MAP3K4: variants seen among roughly 807,000 people sequenced by gnomAD.
MAP3K4 encodes the protein mitogen-activated protein kinase kinase kinase 4.
MAP3K4 carries 67 observed loss-of-function variants against 185.6 expected under a neutral mutation model. That is an observed-to-expected ratio of 0.36 (90% CI 0.30 to 0.44). The LOEUF is 0.44. Ranked by LOEUF, MAP3K4 falls within the 20% of genes least tolerant of loss-of-function variation. MAP3K4 has a pLI of 1.00. For synonymous variants in MAP3K4, 702 were observed against 710.4 expected (o/e 0.99, Z 0.19); for missense variants, 1,551 against 1,995.1 (o/e 0.78, Z 4.24).
intron 3 of MAP3K4, among the ~76,000 whole-genome samples, chr6:161,069,671 A>G (rs936065554): frequency 3.3e-5 from 5 of 152,126 alleles, no homozygotes; most frequent in African/African-American, 1.2e-4. Context: ...AGGCGTGGGG[A>G]CGGTCCTTTT....
At chr6:161,039,697 A>G (rs1783355220) in intron 2 of MAP3K4, among the ~76,000 whole-genome samples, 1 of 152,184 alleles carries the variant, frequency 6.6e-6, no homozygotes, top group Non-Finnish European at 1.5e-5. Flanking sequence ...ACTAAGAAGA[A>G]TGCCTGTAAA....
In MAP3K4 at chr6:161,103,328, G is replaced by A. The variant is rs16892155; in HGVS notation, c.3856+549G>A. Among the ~76,000 whole-genome samples the A allele has an allele frequency of 7.3e-3, 1,110 of 152,324 alleles. 11 individuals carry two copies. Among genetic ancestry groups the A allele is most frequent in the African/African-American group, 0.025 (1,058 of 41,568 alleles). ...GTAGTAAATGAGAGGGTGAGGACCAGAAGGCACTTGTCTCAAGTCTAGCGC... is the reference window on the plus strand; with the variant it reads ...GTAGTAAATGAGAGGGTGAGGACCAAAAGGCACTTGTCTCAAGTCTAGCGC... On this transcript the variant is annotated intron_variant, in intron 19 of 26. Transcript: ENST00000392142. The surrounding 1 kb of genome is among the most constrained non-coding windows in gnomAD (Gnocchi z 4.6).
rs1783046374 is a variant in MAP3K4, at chr6:161,034,035, T to G, written c.153-224T>G. Reference sequence around the variant, plus strand: ...CATAACAGCTCTACCCATGTGGTACTCCTTGTTCATGGTAGGAGAAGCGGC... The same window carrying G: ...CATAACAGCTCTACCCATGTGGTACGCCTTGTTCATGGTAGGAGAAGCGGC... On this transcript the variant is annotated intron_variant, in intron 1 of 26. Transcript: ENST00000392142. This position sits in a 1 kb window ranked among gnomAD's most constrained non-coding sequence, Gnocchi z 4.4. Among the ~76,000 whole-genome samples, 1 of 152,208 alleles carries G rather than the reference T, an allele frequency of 6.6e-6. No homozygotes were observed. Among genetic ancestry groups the G allele is most frequent in the African/African-American group, 2.4e-5 (1 of 41,460 alleles).
intron 1 of MAP3K4, among the ~76,000 whole-genome samples, chr6:161,031,896 C>A (rs983045732): frequency 6.6e-6 from 1 of 152,182 alleles, no homozygotes; most frequent in Non-Finnish European, 1.5e-5. Context: ...CTCCTCACCA[C>A]AAAGGATGTG....
chr6:161,062,335 C>G (rs1583182448), intron 3 of MAP3K4, among the ~76,000 whole-genome samples: 1 of 152,048 alleles, frequency 6.6e-6, no homozygotes, highest in Non-Finnish European at 1.5e-5. Flanking sequence ...ATCATACAGC[C>G]GTGTATGACA....
intron 1 of MAP3K4, among the ~76,000 whole-genome samples, chr6:161,025,728 C>T (rs994861706): frequency 2.0e-5 from 3 of 152,096 alleles, no homozygotes; most frequent in Non-Finnish European, 4.4e-5. Flanking sequence ...TTCTTATTTG[C>T]GAGAAGAGTG....
At chr6:161,039,446 A>G (rs537446107) in intron 2 of MAP3K4, among the ~76,000 whole-genome samples, 1 of 152,262 alleles carries the variant, frequency 6.6e-6, no homozygotes, top group East Asian at 1.9e-4. Flanking sequence ...GATTCTTGCA[A>G]TGTTATTACC....
intron 15 of MAP3K4, among the ~76,000 whole-genome samples, chr6:161,094,059 T>C (rs1267631325): frequency 6.6e-6 from 1 of 152,254 alleles, no homozygotes; most frequent in Non-Finnish European, 1.5e-5. Flanking sequence ...ACGTCAGCCA[T>C]ACGCTATTCC....
At chr6:161,013,464 T>C (rs1237120687) in intron 1 of MAP3K4, among the ~76,000 whole-genome samples, 1 of 152,246 alleles carries the variant, frequency 6.6e-6, no homozygotes, top group Non-Finnish European at 1.5e-5. Flanking sequence ...AAGTTTTCTT[T>C]CATTTCTTTA....
chr6:161,112,545 A>G lies in MAP3K4; in HGVS notation c.4520-123A>G. The G allele has an allele frequency of 1.7e-6, 1 of 593,256 alleles. No individual in the cohort carries two copies. Among genetic ancestry groups the G allele is most frequent in the Non-Finnish European group, 2.6e-6 (1 of 379,480 alleles). The allele number at this position is 593,256 out of a possible 1,614,324, so 36.7% of individuals were successfully genotyped here. ...GACTTGAACTGTCTGTAAATTTTTG[A>G]TATTTCCCATTACCTAATGCAGGAA... On this transcript the variant is annotated intron_variant, in intron 24 of 26. Transcript: ENST00000392142. This position sits in a 1 kb window ranked among gnomAD's most constrained non-coding sequence, Gnocchi z 5.1.
intron 3 of MAP3K4, among the ~76,000 whole-genome samples, chr6:161,057,271 G>A (rs1784282588): frequency 1.3e-5 from 2 of 152,188 alleles, no homozygotes; most frequent in Admixed American, 1.3e-4. Context: ...AAAGCATGTA[G>A]AAACTAGGAA....
At position 161,115,266 on chromosome 6, in the gene MAP3K4, G is replaced by C. The variant is rs377339482; in HGVS notation, c.4770G>C (p.Trp1590Cys). ...HCLESDPKMR[W>C]TASQLLDHSF... ...TTGAGAGTGACCCAAAGATGAGATG[G>C]ACCGCCAGCCAGCTCCTCGACCATT... The change falls in exon 26 of 27, where the codon TGG becomes TGC. Residue 1590 changes from tryptophan (W) to cysteine (C), a missense_variant. Transcript: ENST00000392142. This position sits in a 1 kb window ranked among gnomAD's most constrained non-coding sequence, Gnocchi z 6.0. 37 of 1,613,918 alleles carry C rather than the reference G, an allele frequency of 2.3e-5. No individual in the cohort carries two copies. Among genetic ancestry groups the C allele is most frequent in the Non-Finnish European group, 3.0e-5 (35 of 1,179,954 alleles).
rs543622766 is a variant in MAP3K4, at chr6:161,087,404, C to G, written c.2557-284C>G. On this transcript the variant is annotated intron_variant, in intron 9 of 26. Transcript: ENST00000392142. This position sits in a 1 kb window ranked among gnomAD's most constrained non-coding sequence, Gnocchi z 4.9. ...GGTTCTTTCAGGCTGCCTTGCCTCCCCGTCGAGTATTTTCTTTGTTGTTGA... is the reference window on the plus strand; with the variant it reads ...GGTTCTTTCAGGCTGCCTTGCCTCCGCGTCGAGTATTTTCTTTGTTGTTGA... Among the ~76,000 whole-genome samples the G allele has an allele frequency of 1.3e-3, 203 of 152,260 alleles. No homozygotes were observed. The highest frequency in any genetic ancestry group is 4.6e-3 in the African/African-American group (192 of 41,540).
In MAP3K4 at chr6:161,048,447, CATAT is replaced by C. The variant is rs907533780; in HGVS notation, c.344-164_344-161del. 5.9e-5 allele frequency among the ~76,000 whole-genome samples: 9 copies of C among 152,082 alleles called. No individual in the cohort carries two copies. The highest frequency in any genetic ancestry group is 5.2e-4 in the Admixed American group (8 of 15,274). ...ATTTTTTTTAAAATATAGAAAATGTCATATATATTTTTTGATTCCTTTAATTTTT... is the reference window on the plus strand; with the variant it reads ...ATTTTTTTTAAAATATAGAAAATGTCATATTTTTTGATTCCTTTAATTTTT... On this transcript the variant is annotated intron_variant, in intron 2 of 26. Transcript: ENST00000392142. The surrounding 1 kb of genome is among the most constrained non-coding windows in gnomAD (Gnocchi z 4.7).
At chr6:161,065,040 A>G (rs981313411) in intron 3 of MAP3K4, among the ~76,000 whole-genome samples, 6 of 152,128 alleles carry the variant, frequency 3.9e-5, no homozygotes, top group African/African-American at 1.2e-4. Flanking sequence ...TGCACTGTCC[A>G]TGAGAGGTAT....
Position 161,087,760 on chromosome 6 carries a change from T to C in MAP3K4, c.2629T>C (p.Leu877=). 1.2e-6 allele frequency: 2 copies of C among 1,613,974 alleles called. No homozygotes were observed. The highest frequency in any genetic ancestry group is 1.7e-6 in the Non-Finnish European group (2 of 1,179,808). Residue 877 remains leucine (L), a synonymous_variant, in exon 10 of 27, where the codon TTG becomes CTG. Transcript: ENST00000392142. The surrounding 1 kb of genome is among the most constrained non-coding windows in gnomAD (Gnocchi z 4.9). ...TCTTGCTGAGGAGAAGAGTATTATTTTGCAGTTACTCAATGCAGCTGCAGG... is the reference window on the plus strand; with the variant it reads ...TCTTGCTGAGGAGAAGAGTATTATTCTGCAGTTACTCAATGCAGCTGCAGG... ...DTLAEEKSII[L]QLLNAAAGKD... is the part of the protein sequence containing the mutation.
chr6:161,085,707 C>T (rs756593350), intron 7 of MAP3K4, among the ~76,000 whole-genome samples: 1 of 152,174 alleles, frequency 6.6e-6, no homozygotes, highest in Non-Finnish European at 1.5e-5. Context: ...TTGTAGGTCT[C>T]ACAGTTTTGA....
chr6:161,102,726 G>T lies in MAP3K4; in HGVS notation c.3803G>T (p.Ser1268Ile), dbSNP rs1251133754. The T allele has an allele frequency of 6.3e-7, 1 of 1,597,896 alleles. No homozygotes were observed. Among genetic ancestry groups the T allele is most frequent in the South Asian group, 1.1e-5 (1 of 87,484 alleles). Residue 1268 changes from serine (S) to isoleucine (I), a missense_variant, in exon 19 of 27, where the codon AGT becomes ATT. By Grantham distance (142) the Ser-to-Ile change is moderately radical (BLOSUM62 -2). This residue lies in a region of MAP3K4 where 272 missense variants were observed against 301.2 expected (regional missense o/e 0.90). Transcript: ENST00000392142. ...CCAGCATATCCAAGAGGAGATTCAA[G>T]TGGGTCCACAAGAAGAAGTTGGGAA... ...DEPAYPRGDS[S>I]GSTRRSWELR...
At position 161,048,684 on chromosome 6, in the gene MAP3K4, T is replaced by C. The variant is rs138893843; in HGVS notation, c.412T>C (p.Tyr138His). The change falls in exon 3 of 27, where the codon TAC (tyrosine) becomes CAC (histidine). Residue 138 changes from tyrosine (Y) to histidine (H), a missense_variant. By Grantham distance (83) the Tyr-to-His change is moderately conservative. Transcript: ENST00000392142. This position sits in a 1 kb window ranked among gnomAD's most constrained non-coding sequence, Gnocchi z 4.7. ...AAAAACAGTGGAGAATGTGGAAGAA[T>C]ACAGCTATAAGCAGGAGAAAAAGAT... ...TGKTVENVEE[Y>H]SYKQEKKIRA... 26 of 1,613,920 alleles carry C rather than the reference T, an allele frequency of 1.6e-5. No individual in the cohort carries two copies. In the African/African-American group the frequency reaches 3.2e-4, roughly 20 times the overall value.
Sources: gnomAD v4.1 joint callset for allele counts (sites outside exome capture counted in the v4.1 genomes callset) on GRCh38, gnomAD v4.1.1 for gene constraint, gnomAD v4.1.1 regional missense constraint, Gnocchi (gnomAD v3.1) non-coding constraint, MANE v1.5 for transcripts, NCBI Gene and HGNC (gene_info 2026-07-23, HGNC 2026-07-21) for gene names.